Variants in MAP4K4 observed in about 807,000 individuals in gnomAD.
The protein encoded by MAP4K4 is mitogen-activated protein kinase kinase kinase kinase 4.
MAP4K4 carries 38 observed loss-of-function variants against 189.6 expected under a neutral mutation model. The ratio of observed to expected loss-of-function variants is 0.20; its 90% CI spans 0.15 to 0.26. The LOEUF is 0.26. Among genes scored for constraint, MAP4K4 ranks in the 10% least tolerant of loss-of-function variants. The probability of loss-of-function intolerance (pLI) is 1.00; values close to 1 mark genes in which losing one functional copy is unlikely to be tolerated. For synonymous variants in MAP4K4, 610 were observed against 624.3 expected (o/e 0.98, Z 0.34); for missense variants, 1,054 against 1,726.9 (o/e 0.61, Z 6.91).
At chr2:101,754,669 G>A (rs1215171826) in intron 2 of MAP4K4, among the ~76,000 whole-genome samples, 1 of 152,170 alleles carries the variant, frequency 6.6e-6, no homozygotes, top group Non-Finnish European at 1.5e-5. Context: ...GGAAGGCATT[G>A]TTGATGTAAG....
chr2:101,891,259 G>C, exon 33 of MAP4K4: 1 of 1,609,542 alleles, frequency 6.2e-7, no homozygotes, highest in Non-Finnish European at 8.5e-7. Context: ...GAAGCAGTGT[G>C]ATCCAGGGAT....
intron 3 of MAP4K4, among the ~76,000 whole-genome samples, chr2:101,806,374 C>CT (rs35242042): frequency 0.1 from 13,111 of 129,492 alleles, 1,100 homozygotes; most frequent in African/African-American, 0.2. Context: ...AGCTGTTTCA[C>CT]TTTTTTTTTT....
intron 32 of MAP4K4, among the ~76,000 whole-genome samples, chr2:101,890,342 C>T (rs1313074008): frequency 2.0e-5 from 3 of 152,142 alleles, no homozygotes; most frequent in Admixed American, 1.3e-4. Context: ...AATATGCCAA[C>T]GTGTAAGGAG....
intron 2 of MAP4K4, among the ~76,000 whole-genome samples, chr2:101,741,300 T>C (rs1020118503): frequency 2.6e-5 from 4 of 151,774 alleles, no homozygotes; most frequent in Non-Finnish European, 5.9e-5. Context: ...CCCGAGTAGC[T>C]GGGACTACAG....
chr2:101,876,512 G>GAAGCC (rs2098211761), intron 26 of MAP4K4, among the ~76,000 whole-genome samples: 1 of 152,328 alleles, frequency 6.6e-6, no homozygotes, highest in African/African-American at 2.4e-5. Flanking sequence ...GTGAGTGATG[G>GAAGCC]AAGCCGAATC....
chr2:101,837,581 G>A (rs2096795762), intron 9 of MAP4K4, among the ~76,000 whole-genome samples: 1 of 152,106 alleles, frequency 6.6e-6, no homozygotes, highest in African/African-American at 2.4e-5. Context: ...ATCCACGGGT[G>A]GCCACGCCTA....
intron 16 of MAP4K4, 86 bp from the exon 17 acceptor site, chr2:101,863,735 A>G: frequency 1.2e-6 from 1 of 850,860 alleles, no homozygotes; most frequent in Non-Finnish European, 1.8e-6. Context: ...CGCCTCTGCC[A>G]GTTCCTGCTT....
At chr2:101,875,967 A>C (rs1015587576) in intron 26 of MAP4K4, among the ~76,000 whole-genome samples, 3 of 152,202 alleles carry the variant, frequency 2.0e-5, no homozygotes, top group Non-Finnish European at 4.4e-5. Context: ...AGTGGAGAGA[A>C]GCTCCTTTAA....
chr2:101,749,007 A>C (rs2149913160), intron 2 of MAP4K4, among the ~76,000 whole-genome samples: 2 of 143,882 alleles, frequency 1.4e-5, no homozygotes, highest in East Asian at 4.0e-4. Context: ...AGGAAATAAA[A>C]GAGGATACAA....
At chr2:101,724,281 G>A (rs1238156886) in intron 2 of MAP4K4, among the ~76,000 whole-genome samples, 1 of 152,168 alleles carries the variant, frequency 6.6e-6, no homozygotes, top group Non-Finnish European at 1.5e-5. Flanking sequence ...AAAGCTGTGA[G>A]GTTAGTGAGT....
At chr2:101,889,042 C>A (rs1414561034) in intron 32 of MAP4K4, 107 bp downstream of exon 32, 3 of 1,108,520 alleles carry the variant, frequency 2.7e-6, no homozygotes, top group Non-Finnish European at 3.7e-6. Context: ...TAAAAATAAT[C>A]AAGGAACTTT....
intron 2 of MAP4K4, among the ~76,000 whole-genome samples, chr2:101,753,955 C>A (rs1036601878): frequency 6.6e-6 from 1 of 152,036 alleles, no homozygotes; most frequent in African/African-American, 2.4e-5. Context: ...GGACAGCTAG[C>A]GCCTGGGGTC....
chr2:101,708,003 C>T (rs7355771), intron 2 of MAP4K4, among the ~76,000 whole-genome samples: 114,375 of 151,742 alleles, frequency 0.75, 43,554 homozygotes, highest in African/African-American at 0.88. Flanking sequence ...GCCCAGCCCA[C>T]GTCCAGCTAA....
chr2:101,707,494 C>CCACT (rs1287456345), intron 2 of MAP4K4, among the ~76,000 whole-genome samples: 4 of 151,998 alleles, frequency 2.6e-5, no homozygotes, highest in African/African-American at 9.7e-5. Flanking sequence ...CAGGCATGAA[C>CCACT]CACTGCCCCT....
At chr2:101,774,961 C>T (rs1174456537) in intron 2 of MAP4K4, among the ~76,000 whole-genome samples, 2 of 150,668 alleles carry the variant, frequency 1.3e-5, no homozygotes, top group Non-Finnish European at 2.9e-5. Context: ...CCACCTAGGT[C>T]GTCTTGCTTA....
At chr2:101,756,980 T>C (rs1219554113) in intron 2 of MAP4K4, among the ~76,000 whole-genome samples, 1 of 152,204 alleles carries the variant, frequency 6.6e-6, no homozygotes, top group African/African-American at 2.4e-5. Flanking sequence ...GAAAGATCTT[T>C]AACACCGTTA....
intron 2 of MAP4K4, among the ~76,000 whole-genome samples, chr2:101,744,074 T>A (rs2064035040): frequency 2.0e-5 from 3 of 152,202 alleles, no homozygotes; most frequent in Admixed American, 2.0e-4. Context: ...TGTTAAAGAC[T>A]GAGTGGAAGA....
In MAP4K4 at chr2:101,698,453, C is replaced by T; in HGVS notation, c.58-20C>T. The T allele has an allele frequency of 6.2e-7, 1 of 1,606,064 alleles. No individual in the cohort carries two copies. The highest frequency in any genetic ancestry group is 8.5e-7 in the Non-Finnish European group (1 of 1,172,720). On this transcript the variant is annotated intron_variant, in intron 1 of 32. Transcript: ENST00000324219. ...TTTGGCTTCTTTTAAATGATAACCCCTCCCCTCCTTCCTCTCCAGGATCCT... is the reference window on the plus strand; with the variant it reads ...TTTGGCTTCTTTTAAATGATAACCCTTCCCCTCCTTCCTCTCCAGGATCCT...
At chr2:101,722,553 C>T (rs1171501180) in intron 2 of MAP4K4, among the ~76,000 whole-genome samples, 3 of 152,160 alleles carry the variant, frequency 2.0e-5, no homozygotes, top group African/African-American at 2.4e-5. Context: ...CCCATCCCTG[C>T]GATGGAAAGA....
Sources: gnomAD v4.1 joint callset for allele counts (sites outside exome capture counted in the v4.1 genomes callset) on GRCh38, gnomAD v4.1.1 for gene constraint, MANE v1.5 for transcripts, NCBI Gene and HGNC (gene_info 2026-07-23, HGNC 2026-07-21) for gene names.